Variants in ST8SIA6 observed in about 807,000 individuals in gnomAD.
ST8SIA6 encodes ST8 alpha-N-acetyl-neuraminide alpha-2,8-sialyltransferase 6, also known as alpha-2,8-sialyltransferase 8F.
ST8SIA6 carries 39 observed loss-of-function variants against 33.6 expected under a neutral mutation model. The ratio of observed to expected loss-of-function variants is 1.16; its 90% CI spans 0.90 to 1.52. ST8SIA6 has a LOEUF of 1.52. Ranked by LOEUF, ST8SIA6 falls within the 40% of genes most tolerant of loss-of-function variation. The pLI is 0.00. For synonymous variants in ST8SIA6, 172 were observed against 167.2 expected, an observed-to-expected ratio of 1.03 and a Z score of -0.22; for missense variants, 441 against 443.8, an observed-to-expected ratio of 0.99 and a Z score of 0.06.
chr10:17,333,828 TCTC>T (rs1848414828), intron 4 of ST8SIA6, among the ~76,000 whole-genome samples: 1 of 144,400 alleles, frequency 6.9e-6, no homozygotes, highest in East Asian at 2.2e-4. Flanking sequence ...TTCAAGCAAT[TCTC>T]CTGCCTCAGC....
intron 2 of ST8SIA6, among the ~76,000 whole-genome samples, chr10:17,406,497 G>A (rs1851264513): frequency 6.6e-6 from 1 of 152,142 alleles, no homozygotes; most frequent in Admixed American, 6.6e-5. Context: ...TTCTCCCACG[G>A]GATGTGCACT....
In ST8SIA6 at chr10:17,327,122, T is replaced by C. The variant is rs753627536; in HGVS notation, c.527A>G (p.Gln176Arg). ...KNIFHMFPVS[Q>R]PFVDYPYNQC... ...ATTATAAGGGTAGTCCACAAAAGGC[T>C]GGGACTAGCAGGAGAAAGTGGAAAA... Residue 176 changes from glutamine (Q) to arginine (R), a missense_variant, in exon 6 of 8, where the codon CAG becomes CGG. Physicochemically the swap from Gln to Arg is conservative, Grantham distance 43 (BLOSUM62 1). Transcript: ENST00000377602. 2 of 1,595,726 alleles carry C rather than the reference T, an allele frequency of 1.3e-6. No homozygotes were observed. The highest frequency in any genetic ancestry group is 1.7e-6 in the Non-Finnish European group (2 of 1,173,324).
At chr10:17,326,241 G>T (rs1848125737) in intron 6 of ST8SIA6, among the ~76,000 whole-genome samples, 1 of 152,254 alleles carries the variant, frequency 6.6e-6, no homozygotes, top group South Asian at 2.1e-4. Context: ...AGGGATCAAA[G>T]CATCTCCTCT....
chr10:17,330,578 A>G (rs1009071928), intron 5 of ST8SIA6, among the ~76,000 whole-genome samples: 35 of 152,232 alleles, frequency 2.3e-4, no homozygotes, highest in African/African-American at 8.0e-4. Context: ...CATGAGCAAC[A>G]AAAATTAGCT....
intron 4 of ST8SIA6, among the ~76,000 whole-genome samples, chr10:17,346,399 G>A (rs1299700916): frequency 1.3e-5 from 2 of 152,154 alleles, no homozygotes; most frequent in Non-Finnish European, 1.5e-5. Flanking sequence ...CCAAGGAGTT[G>A]CCTGGGCAAC....
intron 2 of ST8SIA6, among the ~76,000 whole-genome samples, chr10:17,391,741 T>A (rs1850621753): frequency 6.6e-6 from 1 of 152,126 alleles, no homozygotes; most frequent in African/African-American, 2.4e-5. Flanking sequence ...AGAAAAAAAA[T>A]CTGAAGTCAG....
chr10:17,392,055 G>A (rs1850635819), intron 2 of ST8SIA6, among the ~76,000 whole-genome samples: 1 of 152,180 alleles, frequency 6.6e-6, no homozygotes, highest in Admixed American at 6.5e-5. Flanking sequence ...GGTATTCGTT[G>A]ATAGCCTAAT....
chr10:17,330,640 C>T (rs1471074008), intron 5 of ST8SIA6, among the ~76,000 whole-genome samples: 2 of 152,180 alleles, frequency 1.3e-5, no homozygotes, highest in African/African-American at 2.4e-5. Context: ...TCATATCCTA[C>T]AGTTAGTATA....
At chr10:17,403,882 T>G (rs1851142124) in intron 2 of ST8SIA6, among the ~76,000 whole-genome samples, 1 of 151,808 alleles carries the variant, frequency 6.6e-6, no homozygotes, top group Admixed American at 6.6e-5. Flanking sequence ...GGTCAAATGA[T>G]GAAACTCCGT....
chr10:17,412,868 A>G (rs1048252812), intron 2 of ST8SIA6, among the ~76,000 whole-genome samples: 1 of 152,200 alleles, frequency 6.6e-6, no homozygotes, highest in Non-Finnish European at 1.5e-5. Context: ...AGAAAAGACA[A>G]ATACTTAATG....
intron 2 of ST8SIA6, among the ~76,000 whole-genome samples, chr10:17,391,364 C>A (rs1304074295): frequency 6.6e-6 from 1 of 152,012 alleles, no homozygotes; most frequent in Non-Finnish European, 1.5e-5. Flanking sequence ...CGGGTTCACG[C>A]CATTCTCCTG....
intron 3 of ST8SIA6, among the ~76,000 whole-genome samples, chr10:17,376,312 G>A (rs770345601): frequency 6.6e-5 from 10 of 152,134 alleles, no homozygotes; most frequent in Non-Finnish European, 1.5e-4. Context: ...CAGGAGCGTT[G>A]CCTGATAAAG....
chr10:17,396,306 G>GA lies in ST8SIA6; in HGVS notation c.201-5687dup, dbSNP rs575005004. On this transcript the variant is annotated intron_variant, in intron 2 of 7. Transcript: ENST00000377602. The stretch of plus-strand genomic sequence containing the variant: ...TATACCTGACTCATGAGGAGTGCTG[G>GA]AAAAAAAATCATGCGGGTGGTTTGG... 7.9e-5 allele frequency among the ~76,000 whole-genome samples: 12 copies of GA among 152,016 alleles called. No homozygotes were observed. In the South Asian group the frequency reaches 2.3e-3, roughly 29 times the overall value.
intron 2 of ST8SIA6, among the ~76,000 whole-genome samples, chr10:17,431,230 G>C (rs1047776805): frequency 2.6e-5 from 4 of 152,186 alleles, no homozygotes; most frequent in African/African-American, 7.2e-5. Flanking sequence ...GCTGAGGATG[G>C]CTGGAAGTCA....
At chr10:17,387,364 G>C (rs934862137) in intron 3 of ST8SIA6, among the ~76,000 whole-genome samples, 1 of 146,188 alleles carries the variant, frequency 6.8e-6, no homozygotes, top group African/African-American at 2.5e-5. Flanking sequence ...AGATTCTCCA[G>C]CCTCAGTCTC....
chr10:17,345,405 G>A (rs545588741), intron 4 of ST8SIA6, among the ~76,000 whole-genome samples: 3 of 152,212 alleles, frequency 2.0e-5, no homozygotes, highest in African/African-American at 7.2e-5. Flanking sequence ...TCAAGAGCAC[G>A]TTGGAAGGTA....
chr10:17,377,297 C>G (rs1849951585), intron 3 of ST8SIA6, among the ~76,000 whole-genome samples: 1 of 152,214 alleles, frequency 6.6e-6, no homozygotes, highest in African/African-American at 2.4e-5. Context: ...TCTCCCTTTG[C>G]TGACTCCCTT....
At chr10:17,352,198 GAAT>G (rs1199306665) in intron 4 of ST8SIA6, among the ~76,000 whole-genome samples, 5 of 151,970 alleles carry the variant, frequency 3.3e-5, no homozygotes, top group African/African-American at 1.2e-4. Context: ...AAATTTAAAG[GAAT>G]AATAAGTAAA....
intron 3 of ST8SIA6, among the ~76,000 whole-genome samples, chr10:17,367,138 A>G (rs969299703): frequency 2.6e-5 from 4 of 152,218 alleles, no homozygotes; most frequent in African/African-American, 9.7e-5. Context: ...AGTATCTTGA[A>G]GCTTCGTGTA....
Sources: allele counts gnomAD v4.1 joint callset (sites outside exome capture counted in the v4.1 genomes callset), GRCh38; gene constraint gnomAD v4.1.1; transcripts MANE v1.5; gene names NCBI Gene and HGNC (gene_info 2026-07-23, HGNC 2026-07-21).